Variants in RCOR1 observed in about 807,000 individuals in gnomAD.
RCOR1 encodes REST corepressor.
Under a neutral mutation model 64.0 loss-of-function variants are expected in RCOR1, and 12 were observed. The observed-to-expected ratio is 0.19, with a 90% CI of 0.12 to 0.30. RCOR1 has a LOEUF of 0.30. RCOR1 is among the 10% of genes least tolerant of loss of function. RCOR1 has a pLI of 1.00. For missense variants in RCOR1, 502 were observed against 621.2 expected, an observed-to-expected ratio of 0.81 and a Z score of 2.04; for synonymous variants, 279 against 227.2, an observed-to-expected ratio of 1.23 and a Z score of -2.05.
chr14:102,624,741 G>A lies in RCOR1; in HGVS notation c.361+31416G>A, dbSNP rs1328799032. On this transcript the variant is annotated intron_variant, in intron 2 of 11. Transcript: ENST00000262241. ...AGATCTTACCCCTACACTCCAGCCT[G>A]GGTGATAGGACGAGACCCTGTCTCC... Among the ~76,000 whole-genome samples, 7 of 151,884 alleles carry A rather than the reference G, an allele frequency of 4.6e-5. No homozygotes were observed. The East Asian group carries it at 1.4e-3, about 29-fold the overall frequency.
chr14:102,639,006 A>AT (rs941492924), intron 2 of RCOR1, among the ~76,000 whole-genome samples: 9 of 151,988 alleles, frequency 5.9e-5, no homozygotes, highest in Non-Finnish European at 8.8e-5. Flanking sequence ...TTCTCTTGGG[A>AT]TTTTTTTCCT....
At chr14:102,609,906 G>A (rs1458342932) in intron 2 of RCOR1, among the ~76,000 whole-genome samples, 1 of 151,972 alleles carries the variant, frequency 6.6e-6, no homozygotes, top group African/African-American at 2.4e-5. Flanking sequence ...TTGGGAGGCC[G>A]AGGCAGGCAG....
intron 4 of RCOR1, among the ~76,000 whole-genome samples, chr14:102,706,485 GT>G (rs1157243148): frequency 6.6e-6 from 1 of 152,194 alleles, no homozygotes; most frequent in African/African-American, 2.4e-5. Flanking sequence ...GACATTCACT[GT>G]TGGTGGGAAT....
At chr14:102,708,886 G>A (rs573103054) in intron 6 of RCOR1, among the ~76,000 whole-genome samples, 3 of 152,170 alleles carry the variant, frequency 2.0e-5, no homozygotes, top group Non-Finnish European at 4.4e-5. Flanking sequence ...GAGGTTTAAC[G>A]TGGTATATTT....
rs1199547423 is a variant in RCOR1 at position 102,659,423 on chromosome 14, G to A, written c.362-22472G>A. 6.8e-5 allele frequency: 19 copies of A among 279,116 alleles called. No homozygotes were observed. In the Admixed American group the frequency reaches 1.2e-3, roughly 18 times the overall value. The allele number at this position is 279,116 out of a possible 1,614,324, so 17.3% of individuals were successfully genotyped here. ...CAATAAAAATTCATCTTATTTTACT[G>A]GAGATTCCTGCAAAGTGGCAGAATA... On this transcript the variant is annotated intron_variant, in intron 2 of 11. Coordinates refer to ENST00000262241, the MANE Select transcript of RCOR1 (RefSeq NM_015156.4).
At chr14:102,603,877 T>C (rs536867280) in intron 2 of RCOR1, among the ~76,000 whole-genome samples, 1 of 152,284 alleles carries the variant, frequency 6.6e-6, no homozygotes, top group South Asian at 2.1e-4. Flanking sequence ...TTATAGGTTT[T>C]GGTTTTTTGT....
intron 2 of RCOR1, among the ~76,000 whole-genome samples, chr14:102,612,718 G>T (rs1189856760): frequency 6.6e-6 from 1 of 151,898 alleles, no homozygotes; most frequent in Non-Finnish European, 1.5e-5. Context: ...ACCCTGTGCA[G>T]TGGCTCACAC....
At chr14:102,642,071 CAT>C (rs1404438420) in intron 2 of RCOR1, among the ~76,000 whole-genome samples, 2 of 152,152 alleles carry the variant, frequency 1.3e-5, no homozygotes, top group African/African-American at 4.8e-5. Context: ...GGGTGGTTAA[CAT>C]AGGGATTGAT....
chr14:102,692,469 ACACG>A (rs1555466517), intron 3 of RCOR1, among the ~76,000 whole-genome samples: 1 of 150,858 alleles, frequency 6.6e-6, no homozygotes, highest in East Asian at 1.9e-4. Flanking sequence ...ACACACACAC[ACACG>A]CTTATTTTTA....
chr14:102,661,759 GT>G (rs898109021), intron 2 of RCOR1, among the ~76,000 whole-genome samples: 1 of 151,946 alleles, frequency 6.6e-6, no homozygotes, highest in Non-Finnish European at 1.5e-5. Flanking sequence ...TTGGACATGA[GT>G]TTTTGTTTGT....
chr14:102,636,100 TTTTTTG>T, intron 2 of RCOR1, among the ~76,000 whole-genome samples: 1 of 145,060 alleles, frequency 6.9e-6, no homozygotes, highest in Middle Eastern at 4.1e-3. Context: ...ACCCGGCTAA[TTTTTTG>T]TTTTTGTATT....
chr14:102,637,350 C>T (rs896909765), intron 2 of RCOR1, among the ~76,000 whole-genome samples: 5 of 151,882 alleles, frequency 3.3e-5, no homozygotes, highest in African/African-American at 1.2e-4. Flanking sequence ...TGGTCTCGAA[C>T]CTCCTGACCT....
intron 3 of RCOR1, among the ~76,000 whole-genome samples, chr14:102,686,186 G>C (rs888619585): frequency 6.6e-6 from 1 of 151,962 alleles, no homozygotes; most frequent in African/African-American, 2.4e-5. Context: ...CTGCAGCCTT[G>C]AACTCCTGGG....
At chr14:102,659,800 G>T (rs1222611838) in intron 2 of RCOR1, among the ~76,000 whole-genome samples, 1 of 152,136 alleles carries the variant, frequency 6.6e-6, no homozygotes, top group East Asian at 1.9e-4. Context: ...CAGAAAGTTT[G>T]GTAAGGACGT....
At chr14:102,713,488 T>C (rs957514481) in intron 7 of RCOR1, among the ~76,000 whole-genome samples, 1 of 151,926 alleles carries the variant, frequency 6.6e-6, no homozygotes, top group Non-Finnish European at 1.5e-5. Flanking sequence ...TTCACTGTGT[T>C]AGCCAGGGTG....
intron 2 of RCOR1, among the ~76,000 whole-genome samples, chr14:102,652,751 A>T (rs188847295): frequency 1.3e-5 from 2 of 152,114 alleles, no homozygotes; most frequent in Admixed American, 1.3e-4. Context: ...AACATTTTCT[A>T]TCTTCCACTT....
rs532659286 is a variant in RCOR1 at position 102,650,580 on chromosome 14, T to C, written c.362-31315T>C. ...AGACAGAACAGGATTCCCTTGGATG[T>C]TGGGAAAGGGAAGTCAGACGTGAAA... is the stretch of plus-strand genomic sequence containing the variant. On this transcript the variant is annotated intron_variant, in intron 2 of 11. Transcript: ENST00000262241. Among the ~76,000 whole-genome samples the C allele has an allele frequency of 2.0e-4, 31 of 152,266 alleles. No homozygotes were observed. The East Asian group carries it at 4.2e-3, about 21-fold the overall frequency.
chr14:102,612,538 G>A (rs901054990), intron 2 of RCOR1, among the ~76,000 whole-genome samples: 10 of 151,764 alleles, frequency 6.6e-5, no homozygotes, highest in South Asian at 6.2e-4. Context: ...GTTTCCCCAT[G>A]TTACCCAGGC....
chr14:102,639,497 T>TTTTA (rs3069233), intron 2 of RCOR1, among the ~76,000 whole-genome samples: 11,834 of 135,280 alleles, frequency 0.087, 594 homozygotes, highest in East Asian at 0.13. Flanking sequence ...ATTTTTTAAT[T>TTTTA]TTTATTTATT....
Sources: gnomAD v4.1 joint callset for allele counts (sites outside exome capture counted in the v4.1 genomes callset) on GRCh38, gnomAD v4.1.1 for gene constraint, MANE v1.5 for transcripts, NCBI Gene and HGNC (gene_info 2026-07-23, HGNC 2026-07-21) for gene names.